Variants in KCNH3 observed in about 807,000 individuals in gnomAD.
KCNH3 encodes the protein voltage-gated inwardly rectifying potassium channel KCNH3.
Under a neutral mutation model 95.6 loss-of-function variants are expected in KCNH3, and 36 were observed. The observed-to-expected ratio is 0.38, with a 90% CI of 0.29 to 0.50. The LOEUF (loss-of-function observed/expected upper bound fraction) is 0.50. Among genes scored for constraint, KCNH3 ranks in the 20% least tolerant of loss-of-function variants. The pLI, the probability that KCNH3 is intolerant of heterozygous loss-of-function variation, is 0.95. For synonymous variants in KCNH3, 620 were observed against 646.3 expected (o/e 0.96, Z 0.62); for missense variants, 1,030 against 1,484.1 (o/e 0.69, Z 5.03).
At chr12:49,549,946 T>C in intron 9 of KCNH3, 134 bp from the exon 10 acceptor site, 1 of 955,806 alleles carries the variant, frequency 1.0e-6, no homozygotes, top group Non-Finnish European at 1.5e-6. Flanking sequence ...AGCTTGGAGT[T>C]GTGAGAGAGG....
intron 7 of KCNH3, among the ~76,000 whole-genome samples, chr12:49,545,342 C>G (rs759375722): frequency 2.0e-5 from 3 of 152,050 alleles, no homozygotes; most frequent in African/African-American, 7.2e-5. Flanking sequence ...CTCCCCAGCC[C>G]TCCAGCCCTT....
chr12:49,541,920 A>G (rs531104040), intron 3 of KCNH3, among the ~76,000 whole-genome samples, 156 bp downstream of exon 3: 2 of 152,330 alleles, frequency 1.3e-5, no homozygotes, highest in Admixed American at 1.3e-4. Flanking sequence ...TCATCTCCAC[A>G]TTCCTCGGTA....
At chr12:49,554,287 C>T in intron 10 of KCNH3, 50 bp from the exon 11 acceptor site, 1 of 1,484,670 alleles carries the variant, frequency 6.7e-7, no homozygotes, top group African/African-American at 1.4e-5. Context: ...CTCTTCTCTC[C>T]TCATGGCTGA....
rs112399796 is a variant in KCNH3, at chr12:49,556,705, G to C, written c.2575+229G>C. 2.5e-3 allele frequency: 1,716 copies of C among 693,912 alleles called. 20 individuals are homozygous for C. In the African/African-American group the frequency reaches 0.026, roughly 11 times the overall value. 43.0% of individuals were successfully genotyped at this position (693,912 alleles called of 1,614,324 possible). A position where few individuals can be genotyped will look rare whatever the true frequency, so the allele number is the denominator to read the frequency against. Reference sequence around the variant, plus strand: ...CTGGGTTTATATCCTTGCTCTGTCAGCTTTCTAGCAGTGTGAATTTGGCTT... The same window carrying C: ...CTGGGTTTATATCCTTGCTCTGTCACCTTTCTAGCAGTGTGAATTTGGCTT... On this transcript the variant is annotated intron_variant, in intron 13 of 14. Transcript: ENST00000257981.
At chr12:49,543,835 C>T in intron 5 of KCNH3, 80 bp from the exon 6 acceptor site, 2 of 1,536,750 alleles carry the variant, frequency 1.3e-6, no homozygotes, top group Non-Finnish European at 1.8e-6. Context: ...GTGTCAACTA[C>T]TGAGAAAGTG....
At chr12:49,547,571 C>T (rs906995927) in intron 7 of KCNH3, among the ~76,000 whole-genome samples, 4 of 152,252 alleles carry the variant, frequency 2.6e-5, no homozygotes, top group African/African-American at 9.6e-5. Context: ...GGCCCTATGT[C>T]ACCTGCCCTT....
At position 49,544,219 on chromosome 12, in the gene KCNH3, G is replaced by C. The variant is rs1186489085; in HGVS notation, c.1026G>C (p.Leu342=). 5.0e-6 allele frequency: 8 copies of C among 1,584,878 alleles called. No individual in the cohort carries two copies. The highest frequency in any genetic ancestry group is 6.8e-6 in the Non-Finnish European group (8 of 1,168,668). ...HLLKTVRLLR[L]LRLLPRLDRY... ...TGAAGACGGTGCGCCTGCTGCGCCT[G>C]CTGCGCCTGCTTCCGCGGCTGGACC... is the stretch of plus-strand genomic sequence containing the variant. The change falls in exon 7 of 15, where the codon CTG becomes CTC. Residue 342 remains leucine (L), a synonymous_variant. Transcript: ENST00000257981.
chr12:49,549,708 T>A, intron 9 of KCNH3, 68 bp downstream of exon 9: 1 of 1,441,232 alleles, frequency 6.9e-7, no homozygotes, highest in Non-Finnish European at 9.5e-7. Flanking sequence ...CCTAGAATTA[T>A]CAGGAGTGGG....
At position 49,550,118 on chromosome 12, in the gene KCNH3, C is replaced by A; in HGVS notation, c.1707C>A (p.Ile569=). 6.5e-7 allele frequency: 1 copy of A among 1,542,958 alleles called. No homozygotes were observed. The highest frequency in any genetic ancestry group is 1.1e-5 in the South Asian group (1 of 90,064). The change falls in exon 10 of 15, where the codon ATC becomes ATA. Residue 569 remains isoleucine (I), a synonymous_variant. Transcript: ENST00000257981. ...QSLPDELRAD[I]AMHLHKEVLQ... is the part of the protein sequence containing the mutation. ...TCCCTGACGAGCTGCGCGCAGACAT[C>A]GCCATGCACCTGCACAAGGAGGTCC...
rs755349293 is a variant in KCNH3, at chr12:49,556,496, G to T, written c.2575+20G>T. 7.7e-6 allele frequency: 12 copies of T among 1,559,762 alleles called. 1 individual carries two copies. The South Asian group carries it at 1.1e-4, about 14-fold the overall frequency. ...GACCAGGTACCAGGGCCCCGGGATG[G>T]TCTAGGTTGGTGGGGCAGCCCCTTT... is the stretch of plus-strand genomic sequence containing the variant. On this transcript the variant is annotated intron_variant, in intron 13 of 14. Coordinates refer to ENST00000257981, the MANE Select transcript of KCNH3 (RefSeq NM_012284.3).
chr12:49,557,838 C>A lies in KCNH3; in HGVS notation c.3137C>A (p.Pro1046Gln), dbSNP rs1390062085. Residue 1046 changes from proline to glutamine, a missense_variant, in exon 15 of 15, where the codon CCA becomes CAA. Coordinates refer to ENST00000257981, the MANE Select transcript of KCNH3 (RefSeq NM_012284.3). ...GCTACCAGCACTGGAGAGCCCCCAC[C>A]AGGGTCAGGGGGCCTGGCCTTGCCC... ...AEATSTGEPP[P>Q]GSGGLALPWD... 2 of 1,597,210 alleles carry A rather than the reference C, an allele frequency of 1.3e-6. No individual in the cohort carries two copies. The highest frequency in any genetic ancestry group is 1.3e-5 in the African/African-American group (1 of 74,612).
chr12:49,544,145 T>TACCACA, intron 6 of KCNH3, 30 bp from the exon 7 acceptor site: 1 of 818,376 alleles, frequency 1.2e-6, no homozygotes, highest in Non-Finnish European at 2.0e-6. Flanking sequence ...CTGACCTCCC[T>TACCACA]CCCTCCCTCC....
chr12:49,548,243 C>T (rs1938134993), intron 7 of KCNH3, among the ~76,000 whole-genome samples: 1 of 152,324 alleles, frequency 6.6e-6, no homozygotes, highest in Non-Finnish European at 1.5e-5. Flanking sequence ...CTTTGTCCCT[C>T]TCCCAAGTGT....
At chr12:49,550,611 G>A (rs1394264123) in intron 10 of KCNH3, among the ~76,000 whole-genome samples, 7 of 152,216 alleles carry the variant, frequency 4.6e-5, no homozygotes, top group Admixed American at 2.0e-4. Flanking sequence ...ACAGAGGGGA[G>A]CTGCCCTTCC....
chr12:49,550,889 A>G (rs1321110582), intron 10 of KCNH3, among the ~76,000 whole-genome samples: 2 of 152,238 alleles, frequency 1.3e-5, no homozygotes, highest in Non-Finnish European at 2.9e-5. Context: ...AAAGGAAATC[A>G]GTTCCCTAGA....
At chr12:49,547,633 CAG>C (rs1388091630) in intron 7 of KCNH3, among the ~76,000 whole-genome samples, 1 of 152,336 alleles carries the variant, frequency 6.6e-6, no homozygotes, top group East Asian at 1.9e-4. Context: ...TCCTGGCACA[CAG>C]TGTGTGAGGT....
chr12:49,543,272 C>T lies in KCNH3; in HGVS notation c.580-3C>T, dbSNP rs558974686. On this transcript the variant is annotated splice_region_variant and splice_polypyrimidine_tract_variant and intron_variant, in intron 4 of 14. Transcript: ENST00000257981. ...CTGCCTGGACCTGCCCTGCCTCACTCAGGGGGTGTTTGGGGAGAAACCAAA... is the reference window on the plus strand; with the variant it reads ...CTGCCTGGACCTGCCCTGCCTCACTTAGGGGGTGTTTGGGGAGAAACCAAA... 41 of 1,613,302 alleles carry T rather than the reference C, an allele frequency of 2.5e-5. No individual in the cohort carries two copies. In the East Asian group the frequency reaches 9.1e-4, roughly 36 times the overall value.
rs753335336 is a variant in KCNH3 at position 49,557,451 on chromosome 12, C to T, written c.2750C>T (p.Pro917Leu). ...QLVLAPHREG[P>L]CPRASGEGPC... The stretch of plus-strand genomic sequence containing the variant: ...GTCCTGGCGCCCCACAGGGAGGGTC[C>T]GTGCCCTCGGGCATCGGGAGAGGGG... The change falls in exon 15 of 15, where the codon CCG (proline) becomes CTG (leucine). Residue 917 changes from proline (P) to leucine (L), a missense_variant. This residue lies in a region of KCNH3 where 464 missense variants were observed against 493.2 expected (regional missense o/e 0.94). Transcript: ENST00000257981. 65 of 1,610,218 alleles carry T rather than the reference C, an allele frequency of 4.0e-5. No homozygotes were observed. Among genetic ancestry groups the T allele is most frequent in the African/African-American group, 6.7e-5 (5 of 74,916 alleles).
intron 10 of KCNH3, among the ~76,000 whole-genome samples, chr12:49,551,342 G>A (rs1473389954): frequency 2.0e-5 from 3 of 152,138 alleles, no homozygotes; most frequent in Non-Finnish European, 2.9e-5. Context: ...TTGGCAGGCC[G>A]AGGCAGGCAG....
Sources: gnomAD v4.1 joint callset for allele counts (sites outside exome capture counted in the v4.1 genomes callset) on GRCh38, gnomAD v4.1.1 for gene constraint, gnomAD v4.1.1 regional missense constraint, MANE v1.5 for transcripts, NCBI Gene and HGNC (gene_info 2026-07-23, HGNC 2026-07-21) for gene names.